WSCD1: variants seen among roughly 807,000 people sequenced by gnomAD.
WSCD1 encodes WSC domain sialate O sulfotransferase 1.
In WSCD1, 41 loss-of-function variants were observed where a neutral mutation model predicts 60.4. The ratio of observed to expected loss-of-function variants is 0.68; its 90% CI spans 0.53 to 0.88. The LOEUF (loss-of-function observed/expected upper bound fraction) is 0.88, where lower values mean the gene tolerates loss of function less well. Ranked by LOEUF, WSCD1 falls within the 40% of genes least tolerant of loss-of-function variation. The probability of loss-of-function intolerance (pLI) is 0.00; values close to 1 mark genes in which losing one functional copy is unlikely to be tolerated. For missense variants in WSCD1, 784 were observed against 796.2 expected, an observed-to-expected ratio of 0.98 and a Z score of 0.18; for synonymous variants, 361 against 332.5, an observed-to-expected ratio of 1.09 and a Z score of -0.93.
chr17:6,120,418 C>T lies in WSCD1; in HGVS notation c.1485C>T (p.Arg495=), dbSNP rs777367317. The change falls in exon 9 of 9, where the codon CGC becomes CGT. Residue 495 remains arginine (R), a synonymous_variant. Transcript: ENST00000317744. ...TGGTGCACTACGAGGAGCTGCGGCG[C>T]AGCCTGGTGCCCACGTTACGGGAGA... ...LLVVHYEELR[R]SLVPTLREMV... 9.3e-6 allele frequency: 15 copies of T among 1,614,076 alleles called. No individual in the cohort carries two copies. Among genetic ancestry groups the T allele is most frequent in the Admixed American group, 6.7e-5 (4 of 60,036 alleles).
chr17:6,090,094 A>G (rs1270200878), intron 3 of WSCD1, among the ~76,000 whole-genome samples: 4 of 152,194 alleles, frequency 2.6e-5, no homozygotes, highest in Non-Finnish European at 4.4e-5. Context: ...ACAGATGGAG[A>G]ATCTGAGGCT....
intron 3 of WSCD1, among the ~76,000 whole-genome samples, chr17:6,089,604 TG>T: frequency 6.6e-6 from 1 of 152,324 alleles, no homozygotes; most frequent in Non-Finnish European, 1.5e-5. Flanking sequence ...CATGGGAAGC[TG>T]TTAAATGTTT....
At chr17:6,106,402 A>T (rs573231686) in intron 5 of WSCD1, among the ~76,000 whole-genome samples, 1 of 152,356 alleles carries the variant, frequency 6.6e-6, no homozygotes, top group African/African-American at 2.4e-5. Context: ...GCATTCTTGG[A>T]TGGAATACTA....
intron 3 of WSCD1, among the ~76,000 whole-genome samples, chr17:6,088,313 G>C (rs1334705740): frequency 6.6e-6 from 1 of 151,728 alleles, no homozygotes; most frequent in Non-Finnish European, 1.5e-5. Flanking sequence ...TGGGTGCTGA[G>C]AGCTGGGTGA....
At position 6,081,083 on chromosome 17, in the gene WSCD1, G is replaced by C. The variant is rs777103717; in HGVS notation, c.425G>C (p.Arg142Pro). Residue 142 changes from arginine to proline, a missense_variant and splice_region_variant, in exon 2 of 9, where the codon CGA (arginine) becomes CCA (proline). Physicochemically the swap from Arg to Pro is moderately radical, Grantham distance 103. Coordinates refer to ENST00000317744, the MANE Select transcript of WSCD1 (RefSeq NM_015253.2). ...GCTGCCAGGCCCGCCATCCACAGCC[G>C]AGGTAGGCGCTCAGCTGCATTTGGG... ...PEAARPAIHS[R>P]GTYIGCFSDD... 2.3e-5 allele frequency: 36 copies of C among 1,536,348 alleles called. No individual in the cohort carries two copies. The highest frequency in any genetic ancestry group is 3.1e-5 in the Non-Finnish European group (36 of 1,143,724).
chr17:6,124,035 CA>C lies in WSCD1; in HGVS notation c.*3375del, dbSNP rs761141970. ...TTCATATGATCTGCCAGAGCCTCTC[CA>C]GGGGTGGAATACATGTCCTGGACTA... On this transcript the variant is annotated 3_prime_UTR_variant, in exon 9 of 9. Transcript: ENST00000317744. The C allele has an allele frequency of 7.2e-5, 11 of 152,202 alleles. No homozygotes were observed. The highest frequency in any genetic ancestry group is 1.3e-4 in the Non-Finnish European group (9 of 68,054). 9.4% of individuals were successfully genotyped at this position (152,202 alleles called of 1,614,324 possible).
chr17:6,091,387 A>G (rs942411364), intron 4 of WSCD1, among the ~76,000 whole-genome samples: 16 of 152,142 alleles, frequency 1.1e-4, no homozygotes, highest in Admixed American at 3.3e-4. Flanking sequence ...AGAGTTAGAG[A>G]TAGGCTGTGT....
intron 8 of WSCD1, among the ~76,000 whole-genome samples, chr17:6,119,552 T>G (rs1281765941): frequency 6.6e-6 from 1 of 152,204 alleles, no homozygotes; most frequent in Non-Finnish European, 1.5e-5. Context: ...GATCACCCAG[T>G]GGGTGGCCTC....
chr17:6,115,213 A>G (rs1911627735), intron 7 of WSCD1, among the ~76,000 whole-genome samples: 1 of 152,182 alleles, frequency 6.6e-6, no homozygotes, highest in Non-Finnish European at 1.5e-5. Context: ...GATCGTGCCT[A>G]TTCTGGATTC....
intron 5 of WSCD1, among the ~76,000 whole-genome samples, chr17:6,099,885 G>T (rs1597363761): frequency 6.6e-6 from 1 of 152,058 alleles, no homozygotes; most frequent in Middle Eastern, 3.4e-3. Flanking sequence ...CTTCTTTCTT[G>T]CCTGTTAAAC....
Position 6,122,159 on chromosome 17 carries a change from A to C in WSCD1, c.*1498A>C, listed in dbSNP as rs1184982576. 1 of 152,400 alleles carries C rather than the reference A, an allele frequency of 6.6e-6. No homozygotes were observed. The highest frequency in any genetic ancestry group is 1.5e-5 in the Non-Finnish European group (1 of 68,180). 9.4% of individuals were successfully genotyped at this position (152,400 alleles called of 1,614,324 possible). On this transcript the variant is annotated 3_prime_UTR_variant, in exon 9 of 9. Coordinates refer to ENST00000317744, the MANE Select transcript of WSCD1 (RefSeq NM_015253.2). ...GGATCTGGGAGAGCAGGACGTTGAG[A>C]TATCCTGACCCTCTGCTTCCTAGCC...
At position 6,080,715 on chromosome 17, in the gene WSCD1, G is replaced by A. The variant is rs1363404306; in HGVS notation, c.57G>A (p.Leu19=). The A allele has an allele frequency of 1.9e-6, 3 of 1,613,482 alleles. No homozygotes were observed. Among genetic ancestry groups the A allele is most frequent in the African/African-American group, 2.7e-5 (2 of 74,942 alleles). ...TTCTCCGCCGAACACAGTTCCTGCT[G>A]TTCTTCCTCACGGCTGCCTACCTGA... ...QKFLRRTQFL[L]FFLTAAYLMT... The change falls in exon 2 of 9, where the codon CTG becomes CTA. Residue 19 remains leucine (L), a synonymous_variant. Coordinates refer to ENST00000317744, the MANE Select transcript of WSCD1 (RefSeq NM_015253.2). This position sits in a 1 kb window ranked among gnomAD's most constrained non-coding sequence, Gnocchi z 6.6.
At chr17:6,094,952 C>A in intron 4 of WSCD1, 150 bp from the exon 5 acceptor site, 1 of 1,187,236 alleles carries the variant, frequency 8.4e-7, no homozygotes, top group Non-Finnish European at 1.2e-6. Context: ...TGACTATGTC[C>A]CATGCAGGGC....
chr17:6,080,641 G>T lies in WSCD1; in HGVS notation c.-18G>T, dbSNP rs2150531159. 1 of 1,612,032 alleles carries T rather than the reference G, an allele frequency of 6.2e-7. No homozygotes were observed. The highest frequency in any genetic ancestry group is 8.5e-7 in the Non-Finnish European group (1 of 1,179,478). On this transcript the variant is annotated 5_prime_UTR_variant, in exon 2 of 9. Coordinates refer to ENST00000317744, the MANE Select transcript of WSCD1 (RefSeq NM_015253.2). This position sits in a 1 kb window ranked among gnomAD's most constrained non-coding sequence, Gnocchi z 6.6. ...AGCCATCCCGGGGCTCCAGCCAGGAGCCCTGCTGCCCAGGGGCATGGCCAA... is the reference window on the plus strand; with the variant it reads ...AGCCATCCCGGGGCTCCAGCCAGGATCCCTGCTGCCCAGGGGCATGGCCAA...
At chr17:6,105,189 C>T (rs1435418822) in intron 5 of WSCD1, among the ~76,000 whole-genome samples, 1 of 152,178 alleles carries the variant, frequency 6.6e-6, no homozygotes, top group Non-Finnish European at 1.5e-5. Flanking sequence ...TACCTCAGCC[C>T]AGCCCAGCAC....
chr17:6,119,044 A>G (rs539909842), intron 8 of WSCD1, among the ~76,000 whole-genome samples: 1 of 152,262 alleles, frequency 6.6e-6, no homozygotes, highest in Non-Finnish European at 1.5e-5. Flanking sequence ...ACATGTCCCC[A>G]ACAGCTCTCT....
Position 6,110,767 on chromosome 17 carries a change from T to G in WSCD1, c.1010-4T>G, listed in dbSNP as rs1324528313. The G allele has an allele frequency of 6.2e-7, 1 of 1,607,380 alleles. No homozygotes were observed. Among genetic ancestry groups the G allele is most frequent in the Admixed American group, 1.7e-5 (1 of 59,766 alleles). On this transcript the variant is annotated splice_region_variant and splice_polypyrimidine_tract_variant and intron_variant, in intron 6 of 8. Transcript: ENST00000317744. The surrounding 1 kb of genome is among the most constrained non-coding windows in gnomAD (Gnocchi z 4.8). ...TAACCCCGTGATGACTTTTGGACTTTCAGACACTCGTTGTACAGACAGGAG... is the reference window on the plus strand; with the variant it reads ...TAACCCCGTGATGACTTTTGGACTTGCAGACACTCGTTGTACAGACAGGAG...
chr17:6,108,653 T>A (rs1911238336), intron 5 of WSCD1, among the ~76,000 whole-genome samples: 1 of 152,220 alleles, frequency 6.6e-6, no homozygotes, highest in South Asian at 2.1e-4. Flanking sequence ...ACCTTAAACC[T>A]ACAAGGCAGA....
upstream of WSCD1, chr17:6,069,248 A>G (rs1425262269): frequency 7.5e-6 from 3 of 398,756 alleles, no homozygotes; most frequent in Non-Finnish European, 4.4e-6. Context: ...AGAGCAGGGC[A>G]GATGCTGTGA....
Sources: gnomAD v4.1 joint callset for allele counts (sites outside exome capture counted in the v4.1 genomes callset) on GRCh38, gnomAD v4.1.1 for gene constraint, Gnocchi (gnomAD v3.1) non-coding constraint, MANE v1.5 for transcripts, NCBI Gene and HGNC (gene_info 2026-07-23, HGNC 2026-07-21) for gene names.